Variants in CCDC18 observed in about 807,000 individuals in gnomAD.
CCDC18 encodes the protein coiled-coil domain containing 18.
A neutral mutation model predicts 196.0 loss-of-function variants in CCDC18; 157 were observed. The ratio of observed to expected loss-of-function variants is 0.80; its 90% CI spans 0.70 to 0.91. CCDC18 has a LOEUF of 0.91. Ranked by LOEUF, CCDC18 falls within the 40% of genes least tolerant of loss-of-function variation. CCDC18 has a pLI of 0.00. For synonymous variants in CCDC18, 482 were observed against 529.2 expected (o/e 0.91, Z 1.22); for missense variants, 1,465 against 1,611.6 (o/e 0.91, Z 1.56).
intron 17 of CCDC18, among the ~76,000 whole-genome samples, chr1:93,228,558 C>T (rs777284279): frequency 4.0e-5 from 6 of 151,066 alleles, no homozygotes; most frequent in Non-Finnish European, 7.4e-5. Context: ...CTTCTTCTGT[C>T]TACCTTCCCT....
rs373687503 is a variant in CCDC18, at chr1:93,254,633, C to A, written c.3342+19C>A. On this transcript the variant is annotated intron_variant, in intron 24 of 28. Coordinates refer to ENST00000690025, the MANE Select transcript of CCDC18 (RefSeq NM_001378204.1). ...GGAGAGTGTAAGCAAATTATTTCCA[C>A]CTAAGGAACAAGTGGTAGTCTCTGT... 5 of 1,600,020 alleles carry A rather than the reference C, an allele frequency of 3.1e-6. No individual in the cohort carries two copies. Among genetic ancestry groups the A allele is most frequent in the Non-Finnish European group, 4.3e-6 (5 of 1,172,684 alleles).
chr1:93,241,635 T>C (rs944163273), intron 21 of CCDC18, among the ~76,000 whole-genome samples: 1 of 150,138 alleles, frequency 6.7e-6, no homozygotes, highest in Admixed American at 6.7e-5. Flanking sequence ...GGCAGGAGAA[T>C]TGTTTGAACC....
chr1:93,179,914 C>A, upstream of CCDC18: 1 of 909,650 alleles, frequency 1.1e-6, no homozygotes. Flanking sequence ...CGCGCGCCTG[C>A]GCGGAGCGGG....
chr1:93,217,903 A>G lies in CCDC18; in HGVS notation c.1962+34A>G, dbSNP rs147378477. On this transcript the variant is annotated intron_variant, in intron 14 of 28. Transcript: ENST00000690025. ...TACATATTTAGAATATGAGTGCTGA[A>G]AAGAAACTTAAACATTACTAGCCCC... is the stretch of plus-strand genomic sequence containing the variant. 4.2e-4 allele frequency: 646 copies of G among 1,541,488 alleles called. 5 individuals are homozygous for G. In the African/African-American group the frequency reaches 8.2e-3, roughly 20 times the overall value.
chr1:93,255,991 A>T (rs1244435093), intron 24 of CCDC18, among the ~76,000 whole-genome samples: 2 of 152,210 alleles, frequency 1.3e-5, no homozygotes, highest in East Asian at 1.9e-4. Flanking sequence ...TGTCTTTGAC[A>T]TAGATAATCA....
intron 4 of CCDC18, among the ~76,000 whole-genome samples, chr1:93,187,852 T>A (rs1038162793): frequency 6.6e-6 from 1 of 152,188 alleles, no homozygotes; most frequent in African/African-American, 2.4e-5. Context: ...AAATGCTGTT[T>A]TTCTTGATTT....
At chr1:93,266,506 C>G (rs1275550163) in intron 27 of CCDC18, among the ~76,000 whole-genome samples, 4 of 152,066 alleles carry the variant, frequency 2.6e-5, no homozygotes, top group Non-Finnish European at 2.9e-5. Flanking sequence ...AATCCAGGAG[C>G]TGGTTTTTAG....
upstream of CCDC18, chr1:93,180,569 T>C: frequency 1.4e-6 from 2 of 1,433,824 alleles, no homozygotes; most frequent in Non-Finnish European, 1.9e-6. Context: ...GCGGTAATTG[T>C]GGGAAATGTA....
chr1:93,237,800 T>C (rs1226275545), intron 19 of CCDC18, among the ~76,000 whole-genome samples: 1 of 152,172 alleles, frequency 6.6e-6, no homozygotes, highest in African/African-American at 2.4e-5. Flanking sequence ...TTCTGACACC[T>C]TGGCTTCTCA....
At chr1:93,240,917 T>C (rs148220738) in intron 21 of CCDC18, among the ~76,000 whole-genome samples, 1 of 152,092 alleles carries the variant, frequency 6.6e-6, no homozygotes. Flanking sequence ...TTCCATCCCT[T>C]TTTTCATCCA....
rs946990162 is a variant in CCDC18 at position 93,239,673 on chromosome 1, C to G, written c.2768-10C>G. 9 of 1,570,520 alleles carry G rather than the reference C, an allele frequency of 5.7e-6. No homozygotes were observed. The highest frequency in any genetic ancestry group is 5.2e-5 in the Admixed American group (3 of 58,072). ...CATATAGTTATAAAATTATTCTCTCCTCTTAATAGTAAAGGAGTTAGAAAA... is the reference window on the plus strand; with the variant it reads ...CATATAGTTATAAAATTATTCTCTCGTCTTAATAGTAAAGGAGTTAGAAAA... On this transcript the variant is annotated splice_polypyrimidine_tract_variant and intron_variant, in intron 20 of 28. Coordinates refer to ENST00000690025, the MANE Select transcript of CCDC18 (RefSeq NM_001378204.1).
chr1:93,221,540 T>G, intron 14 of CCDC18, 69 bp from the exon 15 acceptor site: 2 of 1,049,142 alleles, frequency 1.9e-6, no homozygotes, highest in South Asian at 4.2e-5. Flanking sequence ...TAGTGTCACA[T>G]GTATTTAATA....
Position 93,249,303 on chromosome 1 carries a change from T to C in CCDC18, c.3198+2349T>C, listed in dbSNP as rs1442870644. ...ATCCTTTGTATTTCTGTGGTATGAGTTGTAATGTTTCCTTTTTCATCTCAT... is the reference window on the plus strand; with the variant it reads ...ATCCTTTGTATTTCTGTGGTATGAGCTGTAATGTTTCCTTTTTCATCTCAT... On this transcript the variant is annotated intron_variant, in intron 23 of 28. Coordinates refer to ENST00000690025, the MANE Select transcript of CCDC18 (RefSeq NM_001378204.1). Among the ~76,000 whole-genome samples, 6 of 152,272 alleles carry C rather than the reference T, an allele frequency of 3.9e-5. No individual in the cohort carries two copies. In the East Asian group the frequency reaches 1.2e-3, roughly 29 times the overall value.
chr1:93,269,416 A>G (rs554152787), intron 27 of CCDC18, among the ~76,000 whole-genome samples: 1 of 152,152 alleles, frequency 6.6e-6, no homozygotes, highest in South Asian at 2.1e-4. Context: ...CCTAGAACTT[A>G]AAGTATTTTT....
chr1:93,228,524 A>C (rs950007991), intron 17 of CCDC18, among the ~76,000 whole-genome samples: 2 of 148,688 alleles, frequency 1.3e-5, no homozygotes, highest in South Asian at 2.1e-4. Context: ...AAAAAAAAAA[A>C]CTTCAGATTT....
chr1:93,276,409 T>G (rs1665624288), intron 28 of CCDC18, among the ~76,000 whole-genome samples: 2 of 152,168 alleles, frequency 1.3e-5, no homozygotes, highest in African/African-American at 4.8e-5. Context: ...TAATCCTGTT[T>G]TGGATTAGAG....
At chr1:93,225,289 T>G (rs1429803852) in intron 16 of CCDC18, among the ~76,000 whole-genome samples, 1 of 152,218 alleles carries the variant, frequency 6.6e-6, no homozygotes, top group Non-Finnish European at 1.5e-5. Context: ...TATGTGCGCC[T>G]TGAACGAAAA....
At position 93,273,473 on chromosome 1, in the gene CCDC18, C is replaced by G. The variant is rs1665466426; in HGVS notation, c.4353+2659C>G. The G allele has an allele frequency of 2.6e-5, 4 of 152,166 alleles. No homozygotes were observed. The South Asian group carries it at 8.3e-4, about 32-fold the overall frequency. The allele number at this position is 152,166 out of a possible 1,614,324, so 9.4% of individuals were successfully genotyped here. A position where few individuals can be genotyped will look rare whatever the true frequency, so the allele number is the denominator to read the frequency against. On this transcript the variant is annotated intron_variant, in intron 28 of 28. Transcript: ENST00000690025. ...GGAAGGTATGTGAAATGGTTACTTA[C>G]TTTGGAGAGTAGGAAAGCATAAACA...
At chr1:93,198,855 C>T (rs1653268374) in intron 6 of CCDC18, among the ~76,000 whole-genome samples, 1 of 152,064 alleles carries the variant, frequency 6.6e-6, no homozygotes, top group African/African-American at 2.4e-5. Flanking sequence ...CTGTGTTGCC[C>T]AGGCTGGTCT....
Sources: gnomAD v4.1 joint callset for allele counts (sites outside exome capture counted in the v4.1 genomes callset) on GRCh38, gnomAD v4.1.1 for gene constraint, MANE v1.5 for transcripts, NCBI Gene and HGNC (gene_info 2026-07-23, HGNC 2026-07-21) for gene names.